RALYL: variants seen among roughly 807,000 people sequenced by gnomAD.
RALYL encodes the protein RALY RNA binding protein like.
A neutral mutation model predicts 35.1 loss-of-function variants in RALYL; 29 were observed. That is an observed-to-expected ratio of 0.83 (90% CI 0.61 to 1.13). RALYL has a LOEUF of 1.13. Among genes scored for constraint, RALYL ranks in the 50% most tolerant of loss-of-function variants. The pLI, the probability that RALYL is intolerant of heterozygous loss-of-function variation, is 0.00. For synonymous variants in RALYL, 120 were observed against 127.6 expected (o/e 0.94, Z 0.40); for missense variants, 359 against 360.4 (o/e 1.00, Z 0.03).
At chr8:84,514,250 C>A (rs920166431) in intron 1 of RALYL, among the ~76,000 whole-genome samples, 4 of 152,044 alleles carry the variant, frequency 2.6e-5, no homozygotes, top group African/African-American at 9.7e-5. Context: ...ACACAGTAAT[C>A]TGTTGTCATT....
intron 1 of RALYL, among the ~76,000 whole-genome samples, chr8:84,429,840 G>A (rs1012364760): frequency 3.9e-5 from 6 of 151,972 alleles, no homozygotes; most frequent in African/African-American, 1.4e-4. Flanking sequence ...TCCACTATCT[G>A]CTTTTTCAAC....
chr8:84,447,055 C>G (rs1317977793), intron 1 of RALYL, among the ~76,000 whole-genome samples: 1 of 152,188 alleles, frequency 6.6e-6, no homozygotes, highest in East Asian at 1.9e-4. Flanking sequence ...CCCTTTCCAC[C>G]CCAGGTCCCA....
At chr8:84,785,334 C>G (rs1819159612) in intron 3 of RALYL, among the ~76,000 whole-genome samples, 1 of 152,160 alleles carries the variant, frequency 6.6e-6, no homozygotes, top group African/African-American at 2.4e-5. Context: ...GTATCTGCTA[C>G]TACCTGCCCA....
chr8:84,793,679 A>G (rs1821304047), intron 3 of RALYL, among the ~76,000 whole-genome samples: 2 of 152,180 alleles, frequency 1.3e-5, no homozygotes, highest in African/African-American at 4.8e-5. Flanking sequence ...AGTAGATAAT[A>G]TTCAATAATC....
chr8:84,688,598 A>G (rs549079295), intron 2 of RALYL, among the ~76,000 whole-genome samples: 2 of 152,282 alleles, frequency 1.3e-5, no homozygotes, highest in African/African-American at 4.8e-5. Flanking sequence ...AGATTTAAAC[A>G]TAAGACCTGA....
At chr8:84,438,155 G>A (rs2047941767) in intron 1 of RALYL, among the ~76,000 whole-genome samples, 1 of 152,074 alleles carries the variant, frequency 6.6e-6, no homozygotes, top group African/African-American at 2.4e-5. Context: ...CTGGATGTTA[G>A]ACCTTTGTCG....
At chr8:84,842,414 C>T (rs1185175194) in intron 4 of RALYL, among the ~76,000 whole-genome samples, 1 of 152,100 alleles carries the variant, frequency 6.6e-6, no homozygotes, top group Non-Finnish European at 1.5e-5. Flanking sequence ...CAAGACTAAA[C>T]CAGGAAGAAG....
At chr8:84,497,932 C>A (rs6991702) in intron 1 of RALYL, among the ~76,000 whole-genome samples, 62 of 148,932 alleles carry the variant, frequency 4.2e-4, no homozygotes, top group Admixed American at 8.1e-4. Flanking sequence ...TGAGGAACCA[C>A]GCCCAGCCTA....
intron 2 of RALYL, among the ~76,000 whole-genome samples, chr8:84,757,000 T>G (rs1206193319): frequency 6.6e-6 from 1 of 152,106 alleles, no homozygotes; most frequent in Non-Finnish European, 1.5e-5. Flanking sequence ...TGCTATAGCT[T>G]GCCTCTCTCT....
At chr8:84,469,377 T>A (rs28850309) in intron 1 of RALYL, among the ~76,000 whole-genome samples, 5,965 of 152,188 alleles carry the variant, frequency 0.039, 237 homozygotes, top group African/African-American at 0.098. Flanking sequence ...GACCCTCAGC[T>A]GCAGGTCTGT....
intron 1 of RALYL, among the ~76,000 whole-genome samples, chr8:84,323,755 A>G (rs1340478921): frequency 6.6e-6 from 1 of 152,052 alleles, no homozygotes; most frequent in Non-Finnish European, 1.5e-5. Flanking sequence ...CTATGAAAGC[A>G]ACTTTTTCTT....
chr8:84,521,600 C>T (rs183068244), intron 1 of RALYL, among the ~76,000 whole-genome samples: 2 of 152,236 alleles, frequency 1.3e-5, no homozygotes, highest in African/African-American at 4.8e-5. Context: ...ATTAAATGTT[C>T]CCCAAGAGAT....
At chr8:84,682,827 T>G (rs964559920) in intron 2 of RALYL, among the ~76,000 whole-genome samples, 2 of 152,124 alleles carry the variant, frequency 1.3e-5, no homozygotes, top group Admixed American at 6.5e-5. Context: ...GGGTTTTTTT[T>G]TGTCTCTATT....
chr8:84,831,492 C>A (rs1411246918), intron 4 of RALYL, among the ~76,000 whole-genome samples: 2 of 152,108 alleles, frequency 1.3e-5, no homozygotes, highest in Admixed American at 6.5e-5. Context: ...TTTTGTCTAT[C>A]CTGAACACCA....
At chr8:84,522,993 G>A (rs550932021) in intron 1 of RALYL, among the ~76,000 whole-genome samples, 126 of 152,202 alleles carry the variant, frequency 8.3e-4, no homozygotes, top group African/African-American at 3.0e-3. Context: ...GGCTAATGAG[G>A]AGCAAAGGCA....
chr8:84,442,565 C>T (rs758034618), intron 1 of RALYL, among the ~76,000 whole-genome samples: 1 of 152,058 alleles, frequency 6.6e-6, no homozygotes, highest in Non-Finnish European at 1.5e-5. Context: ...GGATAGTTTC[C>T]ATGAGAGCTC....
chr8:84,895,892 T>C (rs969074866), intron 8 of RALYL, among the ~76,000 whole-genome samples: 11 of 152,160 alleles, frequency 7.2e-5, no homozygotes, highest in Non-Finnish European at 8.8e-5. Context: ...TTTCCAGACA[T>C]GGGATAAATT....
intron 1 of RALYL, among the ~76,000 whole-genome samples, chr8:84,512,835 A>G (rs1357740865): frequency 1.3e-5 from 2 of 152,148 alleles, no homozygotes; most frequent in African/African-American, 4.8e-5. Flanking sequence ...TCAATTGGCT[A>G]TAAATATGTT....
intron 1 of RALYL, among the ~76,000 whole-genome samples, chr8:84,337,112 A>G (rs1847943580): frequency 6.6e-6 from 1 of 151,476 alleles, no homozygotes; most frequent in African/African-American, 2.4e-5. Flanking sequence ...TCAAATTATT[A>G]CATTTTTACT....
Sources: gnomAD v4.1 joint callset for allele counts (sites outside exome capture counted in the v4.1 genomes callset) on GRCh38, gnomAD v4.1.1 for gene constraint, MANE v1.5 for transcripts, NCBI Gene and HGNC (gene_info 2026-07-23, HGNC 2026-07-21) for gene names.